B3GALT1: variants seen among roughly 807,000 people sequenced by gnomAD.
B3GALT1 encodes UDP-Gal:betaGlcNAc beta 1,3-galactosyltransferase, polypeptide 1.
B3GALT1 carries 10 observed loss-of-function variants against 23.2 expected under a neutral mutation model. The ratio of observed to expected loss-of-function variants is 0.43; its 90% confidence interval spans 0.27 to 0.73. The LOEUF is 0.73. Ranked by LOEUF, B3GALT1 falls within the 30% of genes least tolerant of loss-of-function variation. B3GALT1 has a pLI of 0.21. For synonymous variants in B3GALT1, 156 were observed against 141.5 expected (o/e 1.10, Z -0.73); for missense variants, 299 against 405.4 (o/e 0.74, Z 2.25).
chr2:167,812,609 A>G (rs1051173523), intron 3 of B3GALT1, among the ~76,000 whole-genome samples: 2 of 152,214 alleles, frequency 1.3e-5, no homozygotes, highest in African/African-American at 2.4e-5. Flanking sequence ...TTTGGAATTT[A>G]TTGCTTAGTA....
rs569732016 is a variant in B3GALT1 at position 167,870,843 on chromosome 2, T to C, written c.*823T>C. On this transcript the variant is annotated 3_prime_UTR_variant, in exon 5 of 5. Coordinates refer to ENST00000392690, the MANE Select transcript of B3GALT1 (RefSeq NM_020981.4). ...GTCGCTAAGTGCATTTCACAGTTTT[T>C]GGATCTGGCAGGCATATGTCTCTAT... is the stretch of plus-strand genomic sequence containing the variant. 1 of 167,202 alleles carries C rather than the reference T, an allele frequency of 6.0e-6. No individual in the cohort carries two copies. The highest frequency in any genetic ancestry group is 1.9e-4 in the East Asian group (1 of 5,188). 10.4% of individuals were successfully genotyped at this position (167,202 alleles called of 1,614,324 possible). A position where few individuals can be genotyped will look rare whatever the true frequency, so the allele number is the denominator to read the frequency against.
intron 2 of B3GALT1, among the ~76,000 whole-genome samples, chr2:167,610,722 G>A (rs1558923732): frequency 6.6e-6 from 1 of 151,872 alleles, no homozygotes; most frequent in South Asian, 2.1e-4. Context: ...ATGAGGAACA[G>A]GTATCTGTGT....
chr2:167,561,589 A>G (rs1683990683), intron 2 of B3GALT1, among the ~76,000 whole-genome samples: 1 of 152,170 alleles, frequency 6.6e-6, no homozygotes, highest in African/African-American at 2.4e-5. Context: ...AGAGAGAAGA[A>G]TCAAATAGAC....
intron 3 of B3GALT1, among the ~76,000 whole-genome samples, chr2:167,727,128 C>A (rs1687330256): frequency 6.6e-6 from 1 of 152,026 alleles, no homozygotes; most frequent in East Asian, 1.9e-4. Flanking sequence ...TTAGAGATAC[C>A]ATTAATGTCA....
intron 2 of B3GALT1, among the ~76,000 whole-genome samples, chr2:167,569,009 C>T (rs920738640): frequency 1.3e-5 from 2 of 151,854 alleles, no homozygotes; most frequent in Non-Finnish European, 2.9e-5. Context: ...TTTCATCGTT[C>T]CTTTTTCAAA....
chr2:167,567,477 G>T (rs1330632731), intron 2 of B3GALT1, among the ~76,000 whole-genome samples: 1 of 152,160 alleles, frequency 6.6e-6, no homozygotes, highest in Non-Finnish European at 1.5e-5. Flanking sequence ...AAATGATAGT[G>T]ACAGTGATGT....
chr2:167,623,544 T>G (rs1685296021), intron 2 of B3GALT1, among the ~76,000 whole-genome samples: 1 of 151,286 alleles, frequency 6.6e-6, no homozygotes, highest in African/African-American at 2.4e-5. Flanking sequence ...TAAGTGGGAG[T>G]TGAACAATGA....
chr2:167,741,068 C>T (rs1207211697), intron 3 of B3GALT1, among the ~76,000 whole-genome samples: 2 of 152,172 alleles, frequency 1.3e-5, no homozygotes, highest in African/African-American at 4.8e-5. Context: ...GAGAATGCTT[C>T]TGGAATCACT....
chr2:167,587,352 GCTT>G (rs1243760651), intron 2 of B3GALT1, among the ~76,000 whole-genome samples: 3 of 152,040 alleles, frequency 2.0e-5, no homozygotes, highest in Non-Finnish European at 2.9e-5. Context: ...TGTAAACACG[GCTT>G]CTTCTTAGCT....
chr2:167,335,173 A>G (rs955407770), intron 1 of B3GALT1, among the ~76,000 whole-genome samples: 11 of 151,906 alleles, frequency 7.2e-5, no homozygotes, highest in African/African-American at 2.7e-4. Flanking sequence ...GTTTTTTCCA[A>G]AACTTTCTCA....
At chr2:167,525,571 T>G (rs1455052833) in intron 2 of B3GALT1, among the ~76,000 whole-genome samples, 1 of 152,022 alleles carries the variant, frequency 6.6e-6, no homozygotes, top group Non-Finnish European at 1.5e-5. Flanking sequence ...ACTCTGCTGT[T>G]TATTTTGTTG....
intron 4 of B3GALT1, among the ~76,000 whole-genome samples, chr2:167,826,527 CAAG>C (rs1689233370): frequency 6.6e-6 from 1 of 152,060 alleles, no homozygotes; most frequent in Non-Finnish European, 1.5e-5. Context: ...TGAAGAAACT[CAAG>C]AACTGATTAG....
chr2:167,635,437 A>G (rs1342542135), intron 2 of B3GALT1, among the ~76,000 whole-genome samples: 2 of 152,146 alleles, frequency 1.3e-5, no homozygotes, highest in African/African-American at 2.4e-5. Context: ...ACATGATTGT[A>G]TATTTAAAAA....
At chr2:167,427,917 T>C (rs1400978775) in intron 1 of B3GALT1, among the ~76,000 whole-genome samples, 2 of 152,186 alleles carry the variant, frequency 1.3e-5, no homozygotes, top group Admixed American at 6.5e-5. Flanking sequence ...ATTTTAAAGA[T>C]ACAGATATTT....
chr2:167,475,115 C>T (rs1699470662), intron 1 of B3GALT1, among the ~76,000 whole-genome samples: 1 of 152,102 alleles, frequency 6.6e-6, no homozygotes, highest in African/African-American at 2.4e-5. Flanking sequence ...CAGCTGCAGT[C>T]CAAAAATATT....
intron 3 of B3GALT1, among the ~76,000 whole-genome samples, chr2:167,733,688 A>G (rs1353854206): frequency 2.0e-5 from 3 of 152,234 alleles, no homozygotes; most frequent in Non-Finnish European, 4.4e-5. Flanking sequence ...ATGGAAGGCT[A>G]GTTGCTGATG....
intron 1 of B3GALT1, among the ~76,000 whole-genome samples, chr2:167,369,313 A>G (rs568370970): frequency 6.6e-6 from 1 of 152,270 alleles, no homozygotes; most frequent in South Asian, 2.1e-4. Context: ...AGTGGCAATG[A>G]GCAAGTGGTA....
rs960911465 is a variant in B3GALT1 at position 167,818,697 on chromosome 2, G to A, written c.-326G>A. On this transcript the variant is annotated 5_prime_UTR_variant, in exon 4 of 5. Transcript: ENST00000392690. Reference sequence around the variant, plus strand: ...GGCTACGCAGCTTGCTCCTGGCACGGGCACCTTGAATCTCCTCCTCACACA... The same window carrying A: ...GGCTACGCAGCTTGCTCCTGGCACGAGCACCTTGAATCTCCTCCTCACACA... 5.3e-5 allele frequency among the ~76,000 whole-genome samples: 8 copies of A among 151,730 alleles called. No individual in the cohort carries two copies. The South Asian group carries it at 8.3e-4, about 16-fold the overall frequency.
At chr2:167,547,415 G>A (rs1215596093) in intron 2 of B3GALT1, among the ~76,000 whole-genome samples, 3 of 152,082 alleles carry the variant, frequency 2.0e-5, no homozygotes, top group Non-Finnish European at 4.4e-5. Context: ...AGTCACAGAG[G>A]GCCGGGCGCG....
Sources: allele counts gnomAD v4.1 joint callset (sites outside exome capture counted in the v4.1 genomes callset), GRCh38; gene constraint gnomAD v4.1.1; transcripts MANE v1.5; gene names NCBI Gene and HGNC (gene_info 2026-07-23, HGNC 2026-07-21).